The following IMPG1 variants were observed in gnomAD, a reference collection of about 807,000 sequenced individuals.
The protein encoded by IMPG1 is interphotoreceptor matrix proteoglycan 1.
IMPG1 carries 85 observed loss-of-function variants against 92.0 expected under a neutral mutation model. The observed-to-expected ratio is 0.92, with a 90% confidence interval of 0.78 to 1.11. The LOEUF (loss-of-function observed/expected upper bound fraction) is 1.11, where lower values mean the gene tolerates loss of function less well. Ranked by LOEUF, IMPG1 falls within the 50% of genes least tolerant of loss-of-function variation. The pLI is 0.00. For missense variants in IMPG1, 1,022 were observed against 956.0 expected, an observed-to-expected ratio of 1.07 and a Z score of -0.91; for synonymous variants, 367 against 334.1, an observed-to-expected ratio of 1.10 and a Z score of -1.08.
intron 4 of IMPG1, among the ~76,000 whole-genome samples, chr6:76,030,569 C>A (rs1281302692): frequency 6.6e-6 from 1 of 152,120 alleles, no homozygotes; most frequent in African/African-American, 2.4e-5. Context: ...ATTTCCCAAG[C>A]CTTAAACTGG....
intron 12 of IMPG1, among the ~76,000 whole-genome samples, chr6:75,963,053 A>T (rs2149462481): frequency 6.6e-6 from 1 of 152,212 alleles, no homozygotes; most frequent in African/African-American, 2.4e-5. Context: ...GGAAAAAAAA[A>T]AAAAATCACA....
chr6:75,928,548 T>A (rs1781602958), intron 15 of IMPG1: 1 of 152,206 alleles, frequency 6.6e-6, no homozygotes, highest in Non-Finnish European at 1.5e-5. Flanking sequence ...CTCAACTGAT[T>A]GTTTACAGTC....
intron 4 of IMPG1, among the ~76,000 whole-genome samples, chr6:76,026,235 G>A (rs1783532144): frequency 6.6e-6 from 1 of 152,150 alleles, no homozygotes; most frequent in Non-Finnish European, 1.5e-5. Context: ...AGCCTAAATT[G>A]TCATGGCTGT....
chr6:75,995,429 G>A (rs952905048), intron 12 of IMPG1, among the ~76,000 whole-genome samples: 9 of 152,094 alleles, frequency 5.9e-5, no homozygotes, highest in Non-Finnish European at 7.4e-5. Context: ...CTCTAGCTAC[G>A]ATGGCTTTCT....
chr6:75,991,353 T>C (rs1237382919), intron 12 of IMPG1, among the ~76,000 whole-genome samples: 1 of 151,350 alleles, frequency 6.6e-6, no homozygotes. Context: ...ATTGCACCAC[T>C]GCATTCCAGC....
At position 75,921,910 on chromosome 6, in the gene IMPG1, A is replaced by G; in HGVS notation, c.*179T>C. The G allele has an allele frequency of 2.2e-6, 1 of 447,426 alleles. No homozygotes were observed. The highest frequency in any genetic ancestry group is 4.0e-6 in the Non-Finnish European group (1 of 250,522). The allele number at this position is 447,426 out of a possible 1,614,324, so 27.7% of individuals were successfully genotyped here. On this transcript the variant is annotated 3_prime_UTR_variant, in exon 17 of 17. Coordinates refer to ENST00000369950, the MANE Select transcript of IMPG1 (RefSeq NM_001563.4). ...ATAAGTAAGTGTCTTTTTCTTCAGA[A>G]TTTACTGGTTGCCAAGTACATGACT...
At chr6:75,955,961 T>G (rs1325692985) in intron 12 of IMPG1, among the ~76,000 whole-genome samples, 1 of 152,196 alleles carries the variant, frequency 6.6e-6, no homozygotes, top group Non-Finnish European at 1.5e-5. Context: ...GACTTGATCG[T>G]GGTGGATGAG....
At position 76,005,308 on chromosome 6, in the gene IMPG1, C is replaced by T. The variant is rs754453292; in HGVS notation, c.1114G>A (p.Gly372Arg). 1 of 1,613,858 alleles carries T rather than the reference C, an allele frequency of 6.2e-7. No homozygotes were observed. Among genetic ancestry groups the T allele is most frequent in the African/African-American group, 1.3e-5 (1 of 74,908 alleles). ...TGACCATCAGTGAACTGAATTGTCC[C>T]CACATCCAAAGATTGTTCTTCCTCT... ...ALEEEQSLDVGTIQFTDEIAG... is the reference protein window; with the variant it reads ...ALEEEQSLDVRTIQFTDEIAG... Residue 372 changes from glycine to arginine, a missense_variant, in exon 10 of 17, where the codon GGG (glycine) becomes AGG (arginine). Physicochemically the swap from Gly to Arg is moderately radical, Grantham distance 125. Transcript: ENST00000369950.
intron 12 of IMPG1, among the ~76,000 whole-genome samples, chr6:75,955,913 C>T (rs1206820017): frequency 6.6e-6 from 1 of 152,106 alleles, no homozygotes; most frequent in African/African-American, 2.4e-5. Context: ...TATTGATTTG[C>T]GTATGTTGAA....
At chr6:76,041,139 GT>G (rs950835448) in intron 2 of IMPG1, among the ~76,000 whole-genome samples, 4 of 150,740 alleles carry the variant, frequency 2.7e-5, no homozygotes, top group Admixed American at 1.3e-4. Flanking sequence ...CCAAAGATTT[GT>G]TTTTTTTTCT....
intron 15 of IMPG1, among the ~76,000 whole-genome samples, chr6:75,930,336 A>G (rs2149449976): frequency 6.6e-6 from 1 of 152,352 alleles, no homozygotes; most frequent in African/African-American, 2.4e-5. Flanking sequence ...AAAACGAGAA[A>G]GTCTGTTTCT....
chr6:75,965,904 G>A (rs1021509382), intron 12 of IMPG1, among the ~76,000 whole-genome samples: 1 of 152,152 alleles, frequency 6.6e-6, no homozygotes, highest in African/African-American at 2.4e-5. Flanking sequence ...ACCACGCCCA[G>A]CCACACACTT....
At chr6:76,013,461 T>G (rs150547992) in intron 7 of IMPG1, among the ~76,000 whole-genome samples, 31 of 152,270 alleles carry the variant, frequency 2.0e-4, no homozygotes, top group African/African-American at 6.5e-4. Flanking sequence ...CTCCCCACAC[T>G]GCACCCATTT....
chr6:76,005,819 GTTTT>G (rs890614721), intron 9 of IMPG1, among the ~76,000 whole-genome samples: 4 of 145,630 alleles, frequency 2.7e-5, no homozygotes, highest in Non-Finnish European at 4.5e-5. Context: ...TTTACTTTAG[GTTTT>G]TTTTTTTCTT....
chr6:75,975,433 C>T (rs59863109), intron 12 of IMPG1, among the ~76,000 whole-genome samples: 3,970 of 152,286 alleles, frequency 0.026, 171 homozygotes, highest in African/African-American at 0.091. Flanking sequence ...TACTAGGTGT[C>T]TTTCCAATGG....
At chr6:75,927,144 G>A (rs527695558) in intron 15 of IMPG1, among the ~76,000 whole-genome samples, 34 of 152,292 alleles carry the variant, frequency 2.2e-4, no homozygotes, top group African/African-American at 4.6e-4. Context: ...GCTGCCCTTT[G>A]TTGACAGAAA....
chr6:76,000,587 T>C (rs1782970441), intron 12 of IMPG1, among the ~76,000 whole-genome samples: 1 of 152,140 alleles, frequency 6.6e-6, no homozygotes. Flanking sequence ...AGGTAGGGTA[T>C]ATGAGAAGAA....
chr6:76,025,938 T>A (rs1486146393), intron 4 of IMPG1, among the ~76,000 whole-genome samples: 2 of 152,122 alleles, frequency 1.3e-5, no homozygotes. Context: ...AAAGGAGTAG[T>A]GGTGAGAGAG....
chr6:76,018,285 C>T (rs1017334643), intron 7 of IMPG1, among the ~76,000 whole-genome samples: 3 of 152,122 alleles, frequency 2.0e-5, no homozygotes, highest in Non-Finnish European at 2.9e-5. Flanking sequence ...CAATACACTA[C>T]AAGAAAAGTT....
Sources: allele counts gnomAD v4.1 joint callset (sites outside exome capture counted in the v4.1 genomes callset), GRCh38; gene constraint gnomAD v4.1.1; transcripts MANE v1.5; gene names NCBI Gene and HGNC (gene_info 2026-07-23, HGNC 2026-07-21).